Variants in SLC25A33 observed in about 807,000 individuals in gnomAD.
SLC25A33 encodes solute carrier family 25 member 33, also known as bone marrow stromal cell mitochondrial carrier protein.
Under a neutral mutation model 35.5 loss-of-function variants are expected in SLC25A33, and 15 were observed. The observed-to-expected ratio is 0.42, with a 90% CI of 0.28 to 0.65. The LOEUF (loss-of-function observed/expected upper bound fraction) is 0.65, where lower values mean the gene tolerates loss of function less well. Ranked by LOEUF, SLC25A33 falls within the 30% of genes least tolerant of loss-of-function variation. SLC25A33 has a pLI of 0.20. For synonymous variants in SLC25A33, 136 were observed against 148.7 expected (o/e 0.91, Z 0.62); for missense variants, 257 against 398.5 (o/e 0.64, Z 3.02).
At chr1:9,575,867 A>G (rs181709624) in intron 5 of SLC25A33, among the ~76,000 whole-genome samples, 1 of 152,320 alleles carries the variant, frequency 6.6e-6, no homozygotes, top group Admixed American at 6.5e-5. Context: ...CTAATTCAGC[A>G]GTCCTGTAGT....
At chr1:9,579,426 A>G (rs965829471) in intron 5 of SLC25A33, among the ~76,000 whole-genome samples, 26 of 151,430 alleles carry the variant, frequency 1.7e-4, no homozygotes, top group African/African-American at 5.8e-4. Context: ...TTTGGATTCT[A>G]TTAATGTGCT....
At chr1:9,546,808 T>C (rs1317215887) in intron 1 of SLC25A33, among the ~76,000 whole-genome samples, 1 of 152,150 alleles carries the variant, frequency 6.6e-6, no homozygotes, top group African/African-American at 2.4e-5. Context: ...AGGGCTTAGC[T>C]GAGCAGTGCA....
intron 2 of SLC25A33, among the ~76,000 whole-genome samples, chr1:9,560,508 G>C (rs1348733739): frequency 6.6e-6 from 1 of 152,076 alleles, no homozygotes; most frequent in Non-Finnish European, 1.5e-5. Flanking sequence ...AGGTTGCAGT[G>C]AGCCGAGATC....
At chr1:9,555,536 C>G (rs1643331084) in intron 2 of SLC25A33, among the ~76,000 whole-genome samples, 1 of 152,056 alleles carries the variant, frequency 6.6e-6, no homozygotes. Flanking sequence ...GCATTCATGC[C>G]AAATGTGTGC....
chr1:9,576,547 A>G (rs1432404586), intron 5 of SLC25A33: 4 of 546,784 alleles, frequency 7.3e-6, no homozygotes, highest in Non-Finnish European at 1.1e-5. Flanking sequence ...CTTCAGTCAC[A>G]TCAATGTAGA....
chr1:9,582,318 C>G lies in SLC25A33; in HGVS notation c.783C>G (p.Leu261=), dbSNP rs745692849. ...CTGCAGAAGTCATAAGGACGAGGCT[C>G]CGGGAAGAGGGCACCAAGTACAAGT... ...AYPHEVIRTR[L]REEGTKYKSF... The change falls in exon 7 of 7, where the codon CTC becomes CTG. Residue 261 remains leucine (L), a synonymous_variant. Coordinates refer to ENST00000302692, the MANE Select transcript of SLC25A33 (RefSeq NM_032315.3). The surrounding 1 kb of genome is among the most constrained non-coding windows in gnomAD (Gnocchi z 4.0). 6.2e-7 allele frequency: 1 copy of G among 1,613,914 alleles called. No homozygotes were observed. The highest frequency in any genetic ancestry group is 2.2e-5 in the East Asian group (1 of 44,882).
At chr1:9,542,642 G>T (rs1194480326) in intron 1 of SLC25A33, among the ~76,000 whole-genome samples, 1 of 152,070 alleles carries the variant, frequency 6.6e-6, no homozygotes, top group African/African-American at 2.4e-5. Flanking sequence ...TGTTAAGCTG[G>T]CGTCTTTCCA....
At chr1:9,543,301 G>T (rs1173083880) in intron 1 of SLC25A33, among the ~76,000 whole-genome samples, 1 of 151,894 alleles carries the variant, frequency 6.6e-6, no homozygotes, top group Non-Finnish European at 1.5e-5. Context: ...ACGCCACCAC[G>T]CCCGGCTAAT....
At chr1:9,557,417 G>C (rs1643359704) in intron 2 of SLC25A33, among the ~76,000 whole-genome samples, 1 of 151,956 alleles carries the variant, frequency 6.6e-6, no homozygotes. Flanking sequence ...TTCTGGGCTG[G>C]GCACGGTGGC....
chr1:9,580,492 T>C (rs1466100143), intron 6 of SLC25A33, among the ~76,000 whole-genome samples: 3 of 152,200 alleles, frequency 2.0e-5, no homozygotes, highest in Non-Finnish European at 4.4e-5. Context: ...ACTTTTGCTG[T>C]TTTCAAGGAA....
chr1:9,576,483 C>A, intron 5 of SLC25A33: 2 of 466,060 alleles, frequency 4.3e-6, no homozygotes, highest in East Asian at 5.5e-5. Flanking sequence ...TCAACATTAC[C>A]CTGAAGAGAT....
At position 9,578,876 on chromosome 1, in the gene SLC25A33, AT is replaced by A. The variant is rs1258423125; in HGVS notation, c.483-1077del. On this transcript the variant is annotated intron_variant, in intron 5 of 6. Transcript: ENST00000302692. The surrounding 1 kb of genome is among the most constrained non-coding windows in gnomAD (Gnocchi z 4.3). ...TCTAGCAGATATACCGTGGTCAGCT[AT>A]CTGGATTGTTGTCCTGATTGTTTTG... 2.0e-5 allele frequency among the ~76,000 whole-genome samples: 3 copies of A among 152,366 alleles called. No homozygotes were observed. The highest frequency in any genetic ancestry group is 7.2e-5 in the African/African-American group (3 of 41,588).
At chr1:9,556,511 C>T (rs1022499360) in intron 2 of SLC25A33, among the ~76,000 whole-genome samples, 4 of 152,162 alleles carry the variant, frequency 2.6e-5, no homozygotes, top group African/African-American at 4.8e-5. Flanking sequence ...CTTCATCATA[C>T]CAGTTCAGCA....
chr1:9,559,968 A>G (rs1046366117), intron 2 of SLC25A33, among the ~76,000 whole-genome samples: 13 of 152,108 alleles, frequency 8.5e-5, no homozygotes, highest in African/African-American at 2.9e-4. Context: ...AAAACCATAC[A>G]AGGCTGGGCG....
intron 1 of SLC25A33, among the ~76,000 whole-genome samples, chr1:9,543,037 C>T (rs1056066610): frequency 2.0e-5 from 3 of 151,952 alleles, no homozygotes; most frequent in Admixed American, 6.6e-5. Flanking sequence ...AGGCTGGTCT[C>T]GAACTCCTGA....
At chr1:9,579,751 A>G (rs1643711751) in intron 5 of SLC25A33, among the ~76,000 whole-genome samples, 1 of 152,204 alleles carries the variant, frequency 6.6e-6, no homozygotes, top group South Asian at 2.1e-4. Context: ...GGCAGGTGAA[A>G]GGAGATCAAG....
chr1:9,564,739 A>AAATATATAT (rs60174872), intron 2 of SLC25A33, among the ~76,000 whole-genome samples: 21 of 96,524 alleles, frequency 2.2e-4, no homozygotes, highest in African/African-American at 8.8e-4. Context: ...AAAAAAAAAA[A>AAATATATAT]ATATATATAT....
chr1:9,539,782 G>A (rs1449959917), intron 1 of SLC25A33, 35 bp downstream of exon 1: 3 of 1,337,824 alleles, frequency 2.2e-6, no homozygotes, highest in Non-Finnish European at 1.9e-6. Context: ...GCGCCCCACC[G>A]CCTGCGGTCC....
intron 1 of SLC25A33, among the ~76,000 whole-genome samples, chr1:9,543,872 G>A (rs1375192845): frequency 6.6e-6 from 1 of 152,162 alleles, no homozygotes; most frequent in Non-Finnish European, 1.5e-5. Flanking sequence ...GTGGGAGGCC[G>A]AGGCGGGTGG....
Sources: allele counts gnomAD v4.1 joint callset (sites outside exome capture counted in the v4.1 genomes callset), GRCh38; gene constraint gnomAD v4.1.1; non-coding constraint Gnocchi (gnomAD v3.1); transcripts MANE v1.5; gene names NCBI Gene and HGNC (gene_info 2026-07-23, HGNC 2026-07-21).